TBXAS1: variants seen among roughly 807,000 people sequenced by gnomAD.
TBXAS1 encodes the protein thromboxane A synthase 1.
Under a neutral mutation model 60.7 loss-of-function variants are expected in TBXAS1, and 48 were observed. The observed-to-expected ratio is 0.79, with a 90% CI of 0.63 to 1.01. The LOEUF (loss-of-function observed/expected upper bound fraction) is 1.01. Ranked by LOEUF, TBXAS1 falls within the 50% of genes least tolerant of loss-of-function variation. The pLI is 0.00. For synonymous variants in TBXAS1, 287 were observed against 269.7 expected (o/e 1.06, Z -0.63); for missense variants, 685 against 686.3 (o/e 1.00, Z 0.02).
intron 9 of TBXAS1, among the ~76,000 whole-genome samples, chr7:139,993,242 T>C (rs1813053730): frequency 6.6e-6 from 1 of 152,140 alleles, no homozygotes; most frequent in Non-Finnish European, 1.5e-5. Flanking sequence ...TGACCTCATC[T>C]AACCCTAATA....
intron 9 of TBXAS1, among the ~76,000 whole-genome samples, chr7:139,996,305 T>C (rs2117633062): frequency 6.6e-6 from 1 of 152,280 alleles, no homozygotes; most frequent in African/African-American, 2.4e-5. Context: ...CCAGGCACTG[T>C]CCAGGAGATC....
In TBXAS1 at chr7:139,837,810, A is replaced by G. The variant is rs190076058; in HGVS notation, c.89+8331A>G. 2.5e-3 allele frequency among the ~76,000 whole-genome samples: 384 copies of G among 152,314 alleles called. 1 individual carries two copies. The highest frequency in any genetic ancestry group is 3.5e-3 in the Admixed American group (53 of 15,304). ...CCACCTGTGCCCCAACAACTTATGGAAAAATAAAAAAACAAAAACAAAACA... is the reference window on the plus strand; with the variant it reads ...CCACCTGTGCCCCAACAACTTATGGGAAAATAAAAAAACAAAAACAAAACA... On this transcript the variant is annotated intron_variant, in intron 1 of 12. Transcript: ENST00000448866.
intron 1 of TBXAS1, among the ~76,000 whole-genome samples, chr7:139,841,339 G>A (rs1799435647): frequency 6.6e-6 from 1 of 152,210 alleles, no homozygotes; most frequent in Non-Finnish European, 1.5e-5. Context: ...AGTACCCCAG[G>A]CAAAGACAAC....
chr7:139,914,720 G>A (rs888020257), intron 4 of TBXAS1, among the ~76,000 whole-genome samples: 1 of 152,068 alleles, frequency 6.6e-6, no homozygotes, highest in Non-Finnish European at 1.5e-5. Context: ...CCTGAACTCT[G>A]GCAGCGCTCA....
chr7:139,977,999 C>T (rs139858452), intron 9 of TBXAS1, among the ~76,000 whole-genome samples: 1,846 of 152,216 alleles, frequency 0.012, 15 homozygotes, highest in Middle Eastern at 0.048. Context: ...TGTTTCTGGG[C>T]TTGATTCACT....
At chr7:139,780,615 G>A (rs1007265943) in intron 1 of TBXAS1, 1 of 154,382 alleles carries the variant, frequency 6.5e-6, no homozygotes, top group Non-Finnish European at 1.5e-5. Context: ...CTCTGAGGCT[G>A]GGTTAGATTA....
intron 4 of TBXAS1, among the ~76,000 whole-genome samples, chr7:139,922,308 G>T (rs993677171): frequency 6.6e-5 from 10 of 151,858 alleles, no homozygotes; most frequent in African/African-American, 2.4e-4. Flanking sequence ...CTGCATGTTG[G>T]TCAGGTTGGT....
chr7:139,809,225 TAGATAGATGATAGATAGATA>T (rs1382952704), intron 4 of TBXAS1, among the ~76,000 whole-genome samples: 113 of 108,758 alleles, frequency 1.0e-3, no homozygotes, highest in African/African-American at 3.6e-3. Flanking sequence ...GATAGATAGA[TAGATAGATGATAGATAGATA>T]GATAGATAGA....
At chr7:139,942,670 T>C (rs1410488063) in intron 5 of TBXAS1, among the ~76,000 whole-genome samples, 2 of 152,252 alleles carry the variant, frequency 1.3e-5, no homozygotes, top group Non-Finnish European at 2.9e-5. Flanking sequence ...TAAGGATATA[T>C]GTGTCACTCA....
At chr7:140,001,836 C>T (rs1813694865) in intron 9 of TBXAS1, among the ~76,000 whole-genome samples, 1 of 152,206 alleles carries the variant, frequency 6.6e-6, no homozygotes, top group African/African-American at 2.4e-5. Context: ...GTTGCAGCAG[C>T]CTCTGAACAA....
intron 5 of TBXAS1, 114 bp downstream of exon 5, chr7:139,936,421 C>A: frequency 9.5e-7 from 1 of 1,058,124 alleles, no homozygotes. Context: ...CATCAAAATG[C>A]CTTTCCCACT....
chr7:140,002,348 G>A (rs1813731545), intron 9 of TBXAS1, among the ~76,000 whole-genome samples: 3 of 152,212 alleles, frequency 2.0e-5, no homozygotes, highest in Admixed American at 2.0e-4. Context: ...TGAGACTTTG[G>A]GTTCACAGGC....
chr7:139,998,908 G>A (rs954072180), intron 9 of TBXAS1, among the ~76,000 whole-genome samples: 2 of 152,172 alleles, frequency 1.3e-5, no homozygotes, highest in Non-Finnish European at 2.9e-5. Context: ...TTTATGAGAC[G>A]GGTTCTGTCC....
intron 5 of TBXAS1, among the ~76,000 whole-genome samples, chr7:139,947,893 C>A (rs540073777): frequency 2.0e-4 from 30 of 149,456 alleles, no homozygotes; most frequent in African/African-American, 6.0e-4. Flanking sequence ...GAGATGGAGT[C>A]TTGCTCTGTC....
At chr7:139,826,210 C>A (rs558059441), upstream of TBXAS1, among the ~76,000 whole-genome samples, 25 of 152,160 alleles carry the variant, frequency 1.6e-4, no homozygotes, top group East Asian at 4.4e-3. Flanking sequence ...CTGGAAAAAA[C>A]GAAGCTCTGT....
At chr7:139,890,096 T>G (rs533138538) in intron 3 of TBXAS1, among the ~76,000 whole-genome samples, 5 of 152,138 alleles carry the variant, frequency 3.3e-5, no homozygotes, top group African/African-American at 1.2e-4. Flanking sequence ...TAATAATTGT[T>G]ACATGGGGAA....
intron 4 of TBXAS1, among the ~76,000 whole-genome samples, chr7:139,911,548 A>G (rs1261619650): frequency 1.3e-5 from 2 of 152,228 alleles, no homozygotes; most frequent in Admixed American, 6.5e-5. Flanking sequence ...CTAAAGCTCA[A>G]GGGAAGCTGA....
chr7:139,816,205 C>T (rs376437182), intron 4 of TBXAS1, among the ~76,000 whole-genome samples: 1 of 152,186 alleles, frequency 6.6e-6, no homozygotes, highest in Non-Finnish European at 1.5e-5. Context: ...GCTACCCCAG[C>T]CATGCAGAAC....
intron 4 of TBXAS1, among the ~76,000 whole-genome samples, chr7:139,819,752 C>T (rs1444167650): frequency 1.3e-5 from 2 of 152,090 alleles, no homozygotes; most frequent in African/African-American, 2.4e-5. Flanking sequence ...ATCCACCTGC[C>T]TTGGCCTCCT....
Sources: gnomAD v4.1 joint callset for allele counts (sites outside exome capture counted in the v4.1 genomes callset) on GRCh38, gnomAD v4.1.1 for gene constraint, MANE v1.5 for transcripts, NCBI Gene and HGNC (gene_info 2026-07-23, HGNC 2026-07-21) for gene names.